WDR64: variants seen among roughly 807,000 people sequenced by gnomAD.
The protein encoded by WDR64 is WD repeat domain 64.
WDR64 carries 112 observed loss-of-function variants against 139.3 expected under a neutral mutation model. The observed-to-expected ratio is 0.80, with a 90% CI of 0.69 to 0.94. WDR64 has a LOEUF of 0.94. Ranked by LOEUF, WDR64 falls within the 40% of genes least tolerant of loss-of-function variation. The pLI is 0.00. For synonymous variants in WDR64, 444 were observed against 437.7 expected, an observed-to-expected ratio of 1.01 and a Z score of -0.18; for missense variants, 1,206 against 1,293.1, an observed-to-expected ratio of 0.93 and a Z score of 1.03.
chr1:241,754,512 G>A (rs1363716658), intron 14 of WDR64, among the ~76,000 whole-genome samples: 1 of 151,700 alleles, frequency 6.6e-6, no homozygotes, highest in East Asian at 1.9e-4. Context: ...TAGAGACAGG[G>A]TTTCACCATG....
intron 15 of WDR64, among the ~76,000 whole-genome samples, chr1:241,764,155 G>C (rs145533356): frequency 2.2e-4 from 33 of 152,194 alleles, no homozygotes; most frequent in Non-Finnish European, 3.5e-4. Context: ...AAATAGGTAG[G>C]GACCAGACCA....
intron 22 of WDR64, among the ~76,000 whole-genome samples, chr1:241,782,840 C>G (rs1023240289): frequency 6.6e-6 from 1 of 152,160 alleles, no homozygotes; most frequent in African/African-American, 2.4e-5. Context: ...TAGATAAAAT[C>G]TGAACACAGG....
chr1:241,748,501 T>G (rs1346166110), intron 13 of WDR64, among the ~76,000 whole-genome samples: 1 of 152,184 alleles, frequency 6.6e-6, no homozygotes. Context: ...TTTTTTTGTC[T>G]GAGCCACAGC....
intron 14 of WDR64, among the ~76,000 whole-genome samples, chr1:241,754,905 T>C (rs1490861123): frequency 6.6e-6 from 1 of 152,174 alleles, no homozygotes; most frequent in Admixed American, 6.5e-5. Context: ...GAACTCATTC[T>C]TTTTTTATGG....
chr1:241,775,602 C>G (rs974947859), intron 21 of WDR64, among the ~76,000 whole-genome samples: 2 of 152,056 alleles, frequency 1.3e-5, no homozygotes, highest in African/African-American at 4.8e-5. Context: ...GATTTTTTCT[C>G]AGTAGGGGAC....
intron 11 of WDR64, among the ~76,000 whole-genome samples, chr1:241,739,296 C>T (rs1355330126): frequency 6.6e-6 from 1 of 152,182 alleles, no homozygotes; most frequent in African/African-American, 2.4e-5. Context: ...ATAGTAGGTC[C>T]TCCTTCTAGA....
At chr1:241,738,628 AT>A (rs2148237507) in intron 11 of WDR64, 139 bp downstream of exon 11, 1 of 874,234 alleles carries the variant, frequency 1.1e-6, no homozygotes, top group East Asian at 2.8e-5. Flanking sequence ...GACAGTAGAT[AT>A]TTAATTCAAT....
At chr1:241,695,426 G>A (rs988922991) in intron 8 of WDR64, among the ~76,000 whole-genome samples, 1 of 151,948 alleles carries the variant, frequency 6.6e-6, no homozygotes, top group African/African-American at 2.4e-5. Flanking sequence ...AAAATCAGTC[G>A]ACCCACCCTG....
chr1:241,719,635 C>T (rs1668530391), intron 9 of WDR64, among the ~76,000 whole-genome samples: 1 of 152,104 alleles, frequency 6.6e-6, no homozygotes, highest in Non-Finnish European at 1.5e-5. Flanking sequence ...TAACAAGTCA[C>T]CTAATTATCC....
At chr1:241,689,249 A>T (rs921310990) in intron 8 of WDR64, among the ~76,000 whole-genome samples, 4 of 152,208 alleles carry the variant, frequency 2.6e-5, no homozygotes, top group African/African-American at 7.2e-5. Context: ...ATGTCCAGCT[A>T]TCAAGAAAAA....
At chr1:241,791,729 T>C (rs1424844141) in intron 25 of WDR64, among the ~76,000 whole-genome samples, 1 of 152,134 alleles carries the variant, frequency 6.6e-6, no homozygotes, top group Non-Finnish European at 1.5e-5. Context: ...TTGGCTTATC[T>C]AGATAACACA....
intron 24 of WDR64, among the ~76,000 whole-genome samples, chr1:241,788,653 C>G (rs1214692546): frequency 6.6e-6 from 1 of 152,170 alleles, no homozygotes; most frequent in Non-Finnish European, 1.5e-5. Context: ...AATGTCATTA[C>G]CTAATTCAAA....
At chr1:241,741,737 A>T in intron 12 of WDR64, 73 bp downstream of exon 12, 1 of 1,422,024 alleles carries the variant, frequency 7.0e-7, no homozygotes, top group Non-Finnish European at 9.3e-7. Flanking sequence ...AAAATAAATC[A>T]TTGAGTGATT....
At chr1:241,759,855 A>G (rs72770230) in intron 15 of WDR64, among the ~76,000 whole-genome samples, 22,866 of 152,116 alleles carry the variant, frequency 0.15, 1,890 homozygotes, top group African/African-American at 0.19. Flanking sequence ...CTGAATCTCT[A>G]TTTATTAAAC....
chr1:241,769,448 C>T lies in WDR64; in HGVS notation c.2126C>T (p.Pro709Leu). Residue 709 changes from proline to leucine, a missense_variant, in exon 17 of 28, where the codon CCC (proline) becomes CTC (leucine). Physicochemically the swap from Pro to Leu is moderately conservative, Grantham distance 98 (BLOSUM62 -3). Coordinates refer to ENST00000437684, the MANE Select transcript of WDR64 (RefSeq NM_001367482.1). ...DCFTVNPDLHPKHFKINDILF... is the reference protein window; with the variant it reads ...DCFTVNPDLHLKHFKINDILF... The stretch of plus-strand genomic sequence containing the variant: ...TTCACTGTAAACCCTGACTTGCATC[C>T]CAAGCACTTTAAAATTAATGACATA... The T allele has an allele frequency of 6.4e-7, 1 of 1,551,426 alleles. No individual in the cohort carries two copies. The highest frequency in any genetic ancestry group is 8.7e-7 in the Non-Finnish European group (1 of 1,146,984).
chr1:241,762,691 GT>G (rs1175305755), intron 15 of WDR64, among the ~76,000 whole-genome samples: 2 of 150,812 alleles, frequency 1.3e-5, no homozygotes, highest in Non-Finnish European at 3.0e-5. Context: ...AAAGTCTTCA[GT>G]TTTTTTCTCC....
intron 4 of WDR64, chr1:241,676,524 A>C (rs753665710): frequency 6.6e-6 from 1 of 152,206 alleles, no homozygotes; most frequent in African/African-American, 2.4e-5. Flanking sequence ...GATGGTATCT[A>C]GAAAATAATA....
intron 8 of WDR64, among the ~76,000 whole-genome samples, chr1:241,699,691 T>C (rs1667634807): frequency 6.6e-6 from 1 of 152,052 alleles, no homozygotes; most frequent in African/African-American, 2.4e-5. Context: ...GCAGAGTGGA[T>C]AAATAGACAC....
chr1:241,796,317 T>C lies in WDR64; in HGVS notation c.3139T>C (p.Ser1047Pro). Residue 1047 changes from serine (S) to proline (P), a missense_variant, in exon 27 of 28, where the codon TCT becomes CCT. Physicochemically the swap from Ser to Pro is moderately conservative, Grantham distance 74 (BLOSUM62 -1). Coordinates refer to ENST00000437684, the MANE Select transcript of WDR64 (RefSeq NM_001367482.1). ...GATTGGCGTAGAAGCCCAAAAGGAC[T>C]CTTCAGATGGCATTACAGGAAAGAA... ...PLIGVEAQKD[S>P]SDGITGKKKG... is the part of the protein sequence containing the mutation. The C allele has an allele frequency of 6.2e-7, 1 of 1,613,870 alleles. No individual in the cohort carries two copies. The highest frequency in any genetic ancestry group is 8.5e-7 in the Non-Finnish European group (1 of 1,179,910).
Sources: allele counts gnomAD v4.1 joint callset (sites outside exome capture counted in the v4.1 genomes callset), GRCh38; gene constraint gnomAD v4.1.1; transcripts MANE v1.5; gene names NCBI Gene and HGNC (gene_info 2026-07-23, HGNC 2026-07-21).